Variants in NBEA observed in about 807,000 individuals in gnomAD.
NBEA encodes the protein neurobeachin, also known as lysosomal-trafficking regulator 2.
Under a neutral mutation model 343.4 loss-of-function variants are expected in NBEA, and 44 were observed. The ratio of observed to expected loss-of-function variants is 0.13; its 90% CI spans 0.10 to 0.16. NBEA has a LOEUF of 0.16. NBEA is among the 10% of genes least tolerant of loss of function. NBEA has a pLI of 1.00. For missense variants in NBEA, 2,555 were observed against 3,631.3 expected (o/e 0.70, Z 7.62); for synonymous variants, 1,175 against 1,238.7 (o/e 0.95, Z 1.08).
chr13:34,942,700 C>A lies in NBEA; in HGVS notation c.-121C>A. On this transcript the variant is annotated 5_prime_UTR_variant, in exon 1 of 59. Transcript: ENST00000379939. ...CGCAGGCGGGGAGCGGGCCCGGCGC[C>A]GCGGCGCTGGTGGATGCTGGGGCTC... 1 of 735,314 alleles carries A rather than the reference C, an allele frequency of 1.4e-6. No individual in the cohort carries two copies. Among genetic ancestry groups the A allele is most frequent in the Non-Finnish European group, 1.9e-6 (1 of 539,474 alleles). 45.5% of individuals were successfully genotyped at this position (735,314 alleles called of 1,614,324 possible). A position where few individuals can be genotyped will look rare whatever the true frequency, so the allele number is the denominator to read the frequency against.
chr13:35,373,459 A>G (rs1464831958), intron 38 of NBEA, among the ~76,000 whole-genome samples: 1 of 152,158 alleles, frequency 6.6e-6, no homozygotes, highest in African/African-American at 2.4e-5. Context: ...TAATCCCAGC[A>G]CTTTGGGAGA....
intron 47 of NBEA, among the ~76,000 whole-genome samples, chr13:35,602,782 G>T (rs2082112027): frequency 6.6e-6 from 1 of 152,136 alleles, no homozygotes; most frequent in Non-Finnish European, 1.5e-5. Flanking sequence ...ACTAGCCCCA[G>T]TTAGGGCCTC....
intron 11 of NBEA, among the ~76,000 whole-genome samples, chr13:35,099,198 G>GTTTT (rs760866538): frequency 4.4e-5 from 5 of 113,882 alleles, no homozygotes; most frequent in Non-Finnish European, 1.8e-5. Context: ...CCTGGCTAAA[G>GTTTT]TTTTTTTTTT....
At position 35,155,868 on chromosome 13, in the gene NBEA, C is replaced by G; in HGVS notation, c.2527+13C>G. 6.2e-7 allele frequency: 1 copy of G among 1,600,704 alleles called. No individual in the cohort carries two copies. Among genetic ancestry groups the G allele is most frequent in the African/African-American group, 1.3e-5 (1 of 74,724 alleles). On this transcript the variant is annotated intron_variant, in intron 19 of 58. Transcript: ENST00000379939. ...ATTCAGAATCCAAGTGAGCAAATGG[C>G]AGTTCTTTACTGTATTGTGGTAGGC...
chr13:35,207,984 G>T (rs2073508463), intron 31 of NBEA, among the ~76,000 whole-genome samples: 1 of 152,102 alleles, frequency 6.6e-6, no homozygotes, highest in Non-Finnish European at 1.5e-5. Flanking sequence ...ACTTTGGGAG[G>T]CCAAGTGGAT....
chr13:35,452,990 C>G (rs2152946541), intron 40 of NBEA, among the ~76,000 whole-genome samples: 1 of 152,314 alleles, frequency 6.6e-6, no homozygotes, highest in Non-Finnish European at 1.5e-5. Context: ...ATGCCTGCTT[C>G]AGAGTCTCAA....
At chr13:35,146,194 G>A (rs1198298113) in intron 18 of NBEA, among the ~76,000 whole-genome samples, 1 of 152,084 alleles carries the variant, frequency 6.6e-6, no homozygotes, top group African/African-American at 2.4e-5. Context: ...AACATAAAGT[G>A]ACTCCAACTG....
chr13:35,630,803 C>T (rs1428910796), intron 49 of NBEA, among the ~76,000 whole-genome samples: 1 of 152,116 alleles, frequency 6.6e-6, no homozygotes, highest in Non-Finnish European at 1.5e-5. Flanking sequence ...TTACCATGAC[C>T]CTGTGGACCT....
intron 36 of NBEA, among the ~76,000 whole-genome samples, chr13:35,310,465 A>G: frequency 6.6e-6 from 1 of 152,242 alleles, no homozygotes; most frequent in Non-Finnish European, 1.5e-5. Context: ...TACCAGGACT[A>G]AAACACAGCA....
At chr13:35,510,552 C>G (rs1194668650) in intron 41 of NBEA, among the ~76,000 whole-genome samples, 1 of 152,108 alleles carries the variant, frequency 6.6e-6, no homozygotes, top group Non-Finnish European at 1.5e-5. Flanking sequence ...ATAGTTCTTG[C>G]ACCAGATTTT....
At chr13:35,449,291 A>G (rs553939798) in intron 39 of NBEA, among the ~76,000 whole-genome samples, 1 of 152,362 alleles carries the variant, frequency 6.6e-6, no homozygotes, top group South Asian at 2.1e-4. Flanking sequence ...CACTCTGACA[A>G]AAGTATGGAA....
At chr13:35,487,813 T>C (rs2076356719) in intron 41 of NBEA, among the ~76,000 whole-genome samples, 1 of 151,958 alleles carries the variant, frequency 6.6e-6, no homozygotes, top group East Asian at 1.9e-4. Flanking sequence ...CTCCAGTCTT[T>C]CAGCTATTAC....
intron 5 of NBEA, 114 bp from the exon 6 acceptor site, chr13:35,050,155 C>T: frequency 1.2e-6 from 1 of 809,166 alleles, no homozygotes; most frequent in South Asian, 4.3e-5. Flanking sequence ...ACATATTAAA[C>T]TGCTTCTACT....
intron 10 of NBEA, among the ~76,000 whole-genome samples, chr13:35,087,216 T>C (rs569155021): frequency 1.9e-4 from 29 of 151,930 alleles, no homozygotes; most frequent in Non-Finnish European, 3.8e-4. Context: ...AACCATGAAA[T>C]ATTTGTACTG....
intron 33 of NBEA, among the ~76,000 whole-genome samples, chr13:35,218,782 C>T (rs1019168184): frequency 3.9e-5 from 6 of 152,050 alleles, no homozygotes; most frequent in African/African-American, 1.4e-4. Flanking sequence ...CTTCTGTTAA[C>T]ATGGTATACT....
At chr13:35,247,981 A>T in intron 34 of NBEA, among the ~76,000 whole-genome samples, 1 of 152,232 alleles carries the variant, frequency 6.6e-6, no homozygotes, top group East Asian at 1.9e-4. Context: ...AATACTATGA[A>T]TAACTTTATG....
chr13:35,515,897 C>T (rs1458557795), intron 41 of NBEA, among the ~76,000 whole-genome samples: 7 of 152,138 alleles, frequency 4.6e-5, no homozygotes, highest in Non-Finnish European at 1.0e-4. Context: ...CTCCAAAGCA[C>T]ATATTATATC....
chr13:35,597,062 A>G (rs1322393711), intron 47 of NBEA, among the ~76,000 whole-genome samples: 1 of 152,184 alleles, frequency 6.6e-6, no homozygotes, highest in Non-Finnish European at 1.5e-5. Flanking sequence ...ATTTGATGCA[A>G]TAGGTATACA....
At chr13:35,479,317 C>G (rs2076023733) in intron 41 of NBEA, among the ~76,000 whole-genome samples, 1 of 152,132 alleles carries the variant, frequency 6.6e-6, no homozygotes, top group Non-Finnish European at 1.5e-5. Context: ...GAATAATACT[C>G]TAGTGCAAGT....
Sources: allele counts gnomAD v4.1 joint callset (sites outside exome capture counted in the v4.1 genomes callset), GRCh38; gene constraint gnomAD v4.1.1; transcripts MANE v1.5; gene names NCBI Gene and HGNC (gene_info 2026-07-23, HGNC 2026-07-21).